The following C19orf47 variants were observed in gnomAD, a reference collection of about 807,000 sequenced individuals.
C19orf47 encodes the protein uncharacterized protein C19orf47.
In C19orf47, 18 loss-of-function variants were observed where a neutral mutation model predicts 32.3. The observed-to-expected ratio is 0.56, with a 90% confidence interval of 0.39 to 0.83. The LOEUF is 0.83. C19orf47 is among the 40% of genes least tolerant of loss of function. C19orf47 has a pLI of 0.00. For synonymous variants in C19orf47, 202 were observed against 211.1 expected, an observed-to-expected ratio of 0.96 and a Z score of 0.37; for missense variants, 484 against 531.6, an observed-to-expected ratio of 0.91 and a Z score of 0.88.
chr19:40,314,912 G>C (rs1303033988), downstream of C19orf47, among the ~76,000 whole-genome samples: 3 of 152,130 alleles, frequency 2.0e-5, no homozygotes, highest in Non-Finnish European at 4.4e-5. Flanking sequence ...CAAAAAACAC[G>C]TAACTCCAGT....
chr19:40,337,816 G>C (rs1014636145), intron 2 of C19orf47, among the ~76,000 whole-genome samples: 3 of 152,044 alleles, frequency 2.0e-5, no homozygotes, highest in Non-Finnish European at 2.9e-5. Context: ...GGGGACTGAG[G>C]CTGGCGAGGA....
chr19:40,324,354 G>A, intron 7 of C19orf47: 1 of 501,118 alleles, frequency 2.0e-6, no homozygotes. Context: ...AGTTCTTAGT[G>A]CCTGCATGTT....
intron 8 of C19orf47, 141 bp downstream of exon 8, chr19:40,323,865 G>T: frequency 9.6e-7 from 1 of 1,043,530 alleles, no homozygotes; most frequent in Non-Finnish European, 1.5e-6. Context: ...AGCCGCCAGT[G>T]CAAAGCCAGG....
At chr19:40,328,666 C>A in intron 5 of C19orf47, 116 bp from the exon 6 acceptor site, 6 of 1,349,882 alleles carry the variant, frequency 4.4e-6, no homozygotes, top group Non-Finnish European at 6.0e-6. Context: ...AGAAGGTCAG[C>A]GGGTATCACC....
Position 40,348,355 on chromosome 19 carries a change from G to C in C19orf47, c.-65C>G. On this transcript the variant is annotated 5_prime_UTR_variant, in exon 1 of 9. Transcript: ENST00000683109. ...CACCGGGCCCGCGCCCACTCGCGCCGCCCGCCCTCCCTCCCGGCGGCGCCA... is the reference window on the plus strand; with the variant it reads ...CACCGGGCCCGCGCCCACTCGCGCCCCCCGCCCTCCCTCCCGGCGGCGCCA... 1 of 1,344,324 alleles carries C rather than the reference G, an allele frequency of 7.4e-7. No individual in the cohort carries two copies. The highest frequency in any genetic ancestry group is 1.7e-5 in the South Asian group (1 of 59,328). The allele number at this position is 1,344,324 out of a possible 1,614,324, so 83.3% of individuals were successfully genotyped here. A position where few individuals can be genotyped will look rare whatever the true frequency, so the allele number is the denominator to read the frequency against.
the C19orf47 span, among the ~76,000 whole-genome samples, chr19:40,305,057 A>C: frequency 6.6e-6 from 1 of 152,108 alleles, no homozygotes; most frequent in African/African-American, 2.4e-5. Flanking sequence ...AATACAAAAA[A>C]TTAGGCCAGG....
chr19:40,302,098 T>A, the C19orf47 span, among the ~76,000 whole-genome samples: 7 of 151,796 alleles, frequency 4.6e-5, no homozygotes, highest in Non-Finnish European at 8.8e-5. Flanking sequence ...GAGGCAGAGG[T>A]TGCAGTGAGC....
At chr19:40,307,958 C>T in the C19orf47 span, among the ~76,000 whole-genome samples, 6 of 151,600 alleles carry the variant, frequency 4.0e-5, no homozygotes, top group Admixed American at 1.3e-4. Context: ...CCACCACGCC[C>T]GGCTAATTAT....
At chr19:40,296,463 G>A in the C19orf47 span, among the ~76,000 whole-genome samples, 2 of 151,560 alleles carry the variant, frequency 1.3e-5, no homozygotes, top group African/African-American at 4.8e-5. Flanking sequence ...TGTATTTTTA[G>A]TAGAGATGGG....
rs940198388 is a variant in C19orf47 at position 40,321,285 on chromosome 19, G to C, written c.*597C>G. ...TCTCAACAGGCTCGACGCCACCGCC[G>C]ACGAGGGGGCCGCTGGGAGGCCGGA... On this transcript the variant is annotated 3_prime_UTR_variant, in exon 9 of 9. Coordinates refer to ENST00000683109, the MANE Select transcript of C19orf47 (RefSeq NM_001256441.2). 1.1e-5 allele frequency: 11 copies of C among 986,598 alleles called. No individual in the cohort carries two copies. Among genetic ancestry groups the C allele is most frequent in the African/African-American group, 1.7e-5 (1 of 57,364 alleles). The allele number at this position is 986,598 out of a possible 1,614,324, so 61.1% of individuals were successfully genotyped here.
intron 1 of C19orf47, among the ~76,000 whole-genome samples, chr19:40,347,555 C>G (rs989726183): frequency 6.6e-6 from 1 of 151,918 alleles, no homozygotes; most frequent in African/African-American, 2.4e-5. Flanking sequence ...AAGAAGAAGA[C>G]AGCAATGCAA....
Position 40,326,440 on chromosome 19 carries a change from CT to C in C19orf47, c.485del (p.Lys162SerfsTer97). ...CCATCTCAGCAGTGACCCGGCGCCG[CT>C]TGGCAGGAACAGCCAGGCTCTCCTC... ...REEESLAVPA[K>X]RRRVTAEMEG... On this transcript the variant is annotated frameshift_variant, in exon 7 of 9. Coordinates refer to ENST00000683109, the MANE Select transcript of C19orf47 (RefSeq NM_001256441.2). LOFTEE classifies it high-confidence loss of function. 6.2e-7 allele frequency: 1 copy of C among 1,614,178 alleles called. No individual in the cohort carries two copies. Among genetic ancestry groups the C allele is most frequent in the Non-Finnish European group, 8.5e-7 (1 of 1,180,050 alleles).
chr19:40,343,047 A>G (rs901935616), intron 1 of C19orf47, among the ~76,000 whole-genome samples: 4 of 152,186 alleles, frequency 2.6e-5, no homozygotes, highest in Non-Finnish European at 4.4e-5. Flanking sequence ...ACTAAAGGAA[A>G]TAACTTTTTC....
At chr19:40,343,674 C>T (rs1036937293) in intron 1 of C19orf47, 9 of 152,252 alleles carry the variant, frequency 5.9e-5, no homozygotes, top group African/African-American at 2.2e-4. Flanking sequence ...CTCCTGGCAA[C>T]CTATCCTTCC....
At chr19:40,298,367 A>G in the C19orf47 span, among the ~76,000 whole-genome samples, 3 of 152,098 alleles carry the variant, frequency 2.0e-5, no homozygotes, top group Non-Finnish European at 4.4e-5. Context: ...CGGTTTCCCA[A>G]CCTCACTGAT....
At chr19:40,348,484 C>T (rs578237018), upstream of C19orf47, 98 of 1,497,228 alleles carry the variant, frequency 6.5e-5, 1 homozygote, top group African/African-American at 1.2e-3. Context: ...CCCCAACAGG[C>T]CGCCACCAGC....
chr19:40,313,308 T>C, the C19orf47 span, among the ~76,000 whole-genome samples: 1 of 152,152 alleles, frequency 6.6e-6, no homozygotes, highest in African/African-American at 2.4e-5. Flanking sequence ...CTTAAACCTA[T>C]AGTAATGTTG....
At chr19:40,336,571 G>T (rs959238097) in intron 2 of C19orf47, among the ~76,000 whole-genome samples, 164 bp from the exon 3 acceptor site, 2 of 152,196 alleles carry the variant, frequency 1.3e-5, no homozygotes, top group Non-Finnish European at 2.9e-5. Context: ...TCCTGACCCT[G>T]TGAGTTAAGC....
At chr19:40,323,090 G>A (rs1030412084) in intron 8 of C19orf47, among the ~76,000 whole-genome samples, 3 of 152,218 alleles carry the variant, frequency 2.0e-5, no homozygotes, top group Admixed American at 6.5e-5. Context: ...TTGAGCACTC[G>A]CTATGCGCCC....
Sources: gnomAD v4.1 joint callset for allele counts (sites outside exome capture counted in the v4.1 genomes callset) on GRCh38, gnomAD v4.1.1 for gene constraint, MANE v1.5 for transcripts, NCBI Gene and HGNC (gene_info 2026-07-23, HGNC 2026-07-21) for gene names.